Variants in AOPEP observed in about 807,000 individuals in gnomAD.
AOPEP encodes aminopeptidase O.
Under a neutral mutation model 98.1 loss-of-function variants are expected in AOPEP, and 77 were observed. That is an observed-to-expected ratio of 0.78 (90% CI 0.65 to 0.95). AOPEP has a LOEUF of 0.95. Among genes scored for constraint, AOPEP ranks in the 40% least tolerant of loss-of-function variants. The pLI, the probability that AOPEP is intolerant of heterozygous loss-of-function variation, is 0.00. For missense variants in AOPEP, 1,024 were observed against 1,024.7 expected, an observed-to-expected ratio of 1.00 and a Z score of 0.01; for synonymous variants, 346 against 365.3, an observed-to-expected ratio of 0.95 and a Z score of 0.60.
chr9:95,037,304 T>C (rs958735639), intron 13 of AOPEP, among the ~76,000 whole-genome samples: 2 of 152,214 alleles, frequency 1.3e-5, no homozygotes, highest in African/African-American at 4.8e-5. Flanking sequence ...GAAGTCATTC[T>C]TTATTTCAGC....
the AOPEP span, among the ~76,000 whole-genome samples, chr9:95,126,217 T>C: frequency 6.6e-6 from 1 of 152,238 alleles, no homozygotes; most frequent in Admixed American, 6.5e-5. Flanking sequence ...TACCCTTTAT[T>C]CTGAGCTGAG....
chr9:94,804,239 C>G (rs1311334313), intron 5 of AOPEP, among the ~76,000 whole-genome samples: 1 of 152,120 alleles, frequency 6.6e-6, no homozygotes, highest in Non-Finnish European at 1.5e-5. Flanking sequence ...AAATTAACAC[C>G]TTAATCTTAC....
intron 1 of AOPEP, among the ~76,000 whole-genome samples, chr9:94,729,287 T>C (rs967387188): frequency 1.3e-5 from 2 of 152,078 alleles, no homozygotes; most frequent in Non-Finnish European, 2.9e-5. Flanking sequence ...AAGATGTCCA[T>C]AGAGGCTGGG....
At chr9:94,770,658 A>G (rs1840664031) in intron 2 of AOPEP, among the ~76,000 whole-genome samples, 1 of 152,184 alleles carries the variant, frequency 6.6e-6, no homozygotes, top group South Asian at 2.1e-4. Context: ...GAGAGTGAGA[A>G]AAGATAGTCT....
chr9:94,964,326 A>T (rs143446038), intron 9 of AOPEP, among the ~76,000 whole-genome samples: 1 of 152,186 alleles, frequency 6.6e-6, no homozygotes, highest in Non-Finnish European at 1.5e-5. Context: ...TTCCTTCAAC[A>T]TGAAGCAGGG....
At chr9:95,039,804 C>T (rs1160583893) in intron 13 of AOPEP, among the ~76,000 whole-genome samples, 1 of 152,040 alleles carries the variant, frequency 6.6e-6, no homozygotes, top group Non-Finnish European at 1.5e-5. Flanking sequence ...TTTAAAATAG[C>T]CACTATCATT....
chr9:94,817,077 T>C (rs1851861663), intron 5 of AOPEP, among the ~76,000 whole-genome samples: 1 of 152,200 alleles, frequency 6.6e-6, no homozygotes, highest in Non-Finnish European at 1.5e-5. Context: ...CATGGCTCGC[T>C]GCAGCCTCAT....
intron 2 of AOPEP, among the ~76,000 whole-genome samples, chr9:94,769,670 T>C (rs1193691218): frequency 6.6e-6 from 1 of 152,190 alleles, no homozygotes; most frequent in African/African-American, 2.4e-5. Context: ...TGTTAGACTT[T>C]AGCAGAAAAG....
chr9:95,129,820 G>A, the AOPEP span, among the ~76,000 whole-genome samples: 1 of 152,094 alleles, frequency 6.6e-6, no homozygotes, highest in African/African-American at 2.4e-5. Context: ...GATGACTAGG[G>A]AGCGAAGATG....
chr9:95,000,004 T>TGAG (rs2061461034), intron 11 of AOPEP, among the ~76,000 whole-genome samples: 1 of 152,210 alleles, frequency 6.6e-6, no homozygotes, highest in South Asian at 2.1e-4. Flanking sequence ...GCTGGTTCAC[T>TGAG]GCAGAACCAT....
chr9:95,033,852 G>C (rs542522698), intron 13 of AOPEP, among the ~76,000 whole-genome samples: 34 of 152,304 alleles, frequency 2.2e-4, no homozygotes, highest in African/African-American at 8.2e-4. Flanking sequence ...AAATCATTCT[G>C]TATATTCAGA....
chr9:95,005,262 G>T, intron 12 of AOPEP, 42 bp downstream of exon 12: 1 of 1,004,088 alleles, frequency 1.0e-6, no homozygotes, highest in Non-Finnish European at 1.2e-6. Flanking sequence ...GGTGGCGCCG[G>T]CGCGAGACCG....
the AOPEP span, among the ~76,000 whole-genome samples, chr9:95,132,239 CCACCCTGA>C: frequency 6.6e-6 from 1 of 152,178 alleles, no homozygotes; most frequent in Non-Finnish European, 1.5e-5. Context: ...AAGCACAGTG[CCACCCTGA>C]CACCCTGCAG....
chr9:95,102,075 C>T, the AOPEP span, among the ~76,000 whole-genome samples: 1 of 152,222 alleles, frequency 6.6e-6, no homozygotes, highest in African/African-American at 2.4e-5. Flanking sequence ...CCTAACGAGC[C>T]TCCTCGCATT....
chr9:94,924,232 C>A lies in AOPEP; in HGVS notation c.1554+57C>A, dbSNP rs927437638. 6.2e-6 allele frequency: 8 copies of A among 1,288,796 alleles called. No individual in the cohort carries two copies. In the African/African-American group the frequency reaches 1.2e-4, roughly 20 times the overall value. The allele number at this position is 1,288,796 out of a possible 1,614,324, so 79.8% of individuals were successfully genotyped here. On this transcript the variant is annotated intron_variant, in intron 6 of 16. Coordinates refer to ENST00000375315, the MANE Select transcript of AOPEP (RefSeq NM_001193329.3). The stretch of plus-strand genomic sequence containing the variant: ...CCCAGAGTCAAATTCCATTTCTGGT[C>A]ATTTGCTCACCCAACAGCTATGGAC...
Position 94,930,936 on chromosome 9 carries a change from C to T in AOPEP, c.1661+2405C>T, listed in dbSNP as rs2055193890. 6.6e-6 allele frequency among the ~76,000 whole-genome samples: 1 copy of T among 152,126 alleles called. No homozygotes were observed. The highest frequency in any genetic ancestry group is 1.5e-5 in the Non-Finnish European group (1 of 68,010). On this transcript the variant is annotated intron_variant, in intron 7 of 16. Coordinates refer to ENST00000375315, the MANE Select transcript of AOPEP (RefSeq NM_001193329.3). This position sits in a 1 kb window ranked among gnomAD's most constrained non-coding sequence, Gnocchi z 4.5. The stretch of plus-strand genomic sequence containing the variant: ...GGGCGCCCAGGAGCATGCTTACCTG[C>T]GAGCTGCCTCACTGTGCAAATCCCT...
At position 95,041,442 on chromosome 9, in the gene AOPEP, TGG is replaced by T. The variant is rs1185211172; in HGVS notation, c.2116-19248_2116-19247del. Among the ~76,000 whole-genome samples the T allele has an allele frequency of 2.2e-3, 330 of 147,142 alleles. 5 individuals carry two copies. The highest frequency in any genetic ancestry group is 0.01 in the Middle Eastern group (3 of 290). ...TTGTATACTGTGTACTCAGAGTCCTTGGGGGTGTGTGTGTGTGTGTGTGTGTG... is the reference window on the plus strand; with the variant it reads ...TTGTATACTGTGTACTCAGAGTCCTTGGGTGTGTGTGTGTGTGTGTGTGTG... On this transcript the variant is annotated intron_variant, in intron 13 of 16. Coordinates refer to ENST00000375315, the MANE Select transcript of AOPEP (RefSeq NM_001193329.3).
At chr9:94,923,246 G>C (rs545730771) in intron 5 of AOPEP, among the ~76,000 whole-genome samples, 1 of 152,290 alleles carries the variant, frequency 6.6e-6, no homozygotes, top group South Asian at 2.1e-4. Context: ...TTTAACACAA[G>C]GTATGGAAAA....
At chr9:95,042,343 CATAA>C (rs2065407108) in intron 13 of AOPEP, among the ~76,000 whole-genome samples, 1 of 149,586 alleles carries the variant, frequency 6.7e-6, no homozygotes, top group Non-Finnish European at 1.5e-5. Context: ...TAAATAAATA[CATAA>C]ATACATAAAT....
Sources: gnomAD v4.1 joint callset for allele counts (sites outside exome capture counted in the v4.1 genomes callset) on GRCh38, gnomAD v4.1.1 for gene constraint, Gnocchi (gnomAD v3.1) non-coding constraint, MANE v1.5 for transcripts, NCBI Gene and HGNC (gene_info 2026-07-23, HGNC 2026-07-21) for gene names.